The following JADE2 variants were observed in gnomAD, a reference collection of about 807,000 sequenced individuals.
JADE2 encodes the protein E3 ubiquitin-protein ligase Jade-2.
Under a neutral mutation model 85.7 loss-of-function variants are expected in JADE2, and 13 were observed. The observed-to-expected ratio is 0.15, with a 90% confidence interval of 0.10 to 0.24. JADE2 has a LOEUF of 0.24. JADE2 is among the 10% of genes least tolerant of loss of function. The pLI is 1.00. For missense variants in JADE2, 846 were observed against 1,115.9 expected, an observed-to-expected ratio of 0.76 and a Z score of 3.45; for synonymous variants, 440 against 456.1, an observed-to-expected ratio of 0.96 and a Z score of 0.45.
chr5:134,561,707 A>C (rs1297641466), intron 6 of JADE2, among the ~76,000 whole-genome samples: 1 of 152,148 alleles, frequency 6.6e-6, no homozygotes, highest in African/African-American at 2.4e-5. Context: ...GGGCAGTGCA[A>C]GTCTCATATA....
rs1761750998 is a variant in JADE2 at position 134,538,640 on chromosome 5, A to G, written c.153+557A>G. On this transcript the variant is annotated intron_variant, in intron 3 of 11. Transcript: ENST00000681547. ...CAGGTAGAGGTTTATGGCCTCTGGA[A>G]CTGAGAAGCGCACTGGGGGTGGGTA... Among the ~76,000 whole-genome samples, 3 of 152,184 alleles carry G rather than the reference A, an allele frequency of 2.0e-5. No homozygotes were observed. In the South Asian group the frequency reaches 6.2e-4, roughly 32 times the overall value.
rs1764627960 is a variant in JADE2 at position 134,580,100 on chromosome 5, A to G, written c.*783A>G. On this transcript the variant is annotated 3_prime_UTR_variant, in exon 12 of 12. Coordinates refer to ENST00000681547, the MANE Select transcript of JADE2 (RefSeq NM_001388185.1). The stretch of plus-strand genomic sequence containing the variant: ...AGGTGGAGGGCTGTAGGGGAGGGCC[A>G]GTGCCCAGACAGGGTCATGGGGCTC... The G allele has an allele frequency of 6.5e-6, 1 of 152,702 alleles. No homozygotes were observed. The highest frequency in any genetic ancestry group is 2.4e-5 in the African/African-American group (1 of 41,446). The allele number at this position is 152,702 out of a possible 1,614,324, so 9.5% of individuals were successfully genotyped here.
rs1760773251 is a variant in JADE2, at chr5:134,525,833, G to T, written c.-179G>T. The T allele has an allele frequency of 3.0e-6, 3 of 1,001,416 alleles. No individual in the cohort carries two copies. The East Asian group carries it at 3.3e-4, about 112-fold the overall frequency. 62.0% of individuals were successfully genotyped at this position (1,001,416 alleles called of 1,614,324 possible). A position where few individuals can be genotyped will look rare whatever the true frequency, so the allele number is the denominator to read the frequency against. ...CGACCGTCCCCGGCGGGGGGCGTGG[G>T]GCCTGGGACGCCGCGGGCCCGGCCG... On this transcript the variant is annotated 5_prime_UTR_variant, in exon 1 of 12. Transcript: ENST00000681547.
intron 3 of JADE2, among the ~76,000 whole-genome samples, chr5:134,542,886 C>T (rs1762055922): frequency 1.3e-5 from 2 of 152,062 alleles, no homozygotes; most frequent in African/African-American, 4.8e-5. Flanking sequence ...GCACTTGCCA[C>T]CATGCCGGGC....
At chr5:134,556,474 A>G (rs1225166241) in intron 4 of JADE2, among the ~76,000 whole-genome samples, 1 of 146,696 alleles carries the variant, frequency 6.8e-6, no homozygotes, top group East Asian at 2.0e-4. Context: ...ACATCACACA[A>G]AACACACCCC....
In JADE2 at chr5:134,581,308, A is replaced by AC. The variant is rs1474426980; in HGVS notation, c.*1995dup. The AC allele has an allele frequency of 1.3e-5, 2 of 152,578 alleles. No homozygotes were observed. The highest frequency in any genetic ancestry group is 2.9e-5 in the Non-Finnish European group (2 of 68,100). The allele number at this position is 152,578 out of a possible 1,614,324, so 9.5% of individuals were successfully genotyped here. On this transcript the variant is annotated 3_prime_UTR_variant, in exon 12 of 12. Coordinates refer to ENST00000681547, the MANE Select transcript of JADE2 (RefSeq NM_001388185.1). ...AGTCAGTGTCAGCATCAGTGTCCCAACCCCAGTCTCTGTTTACTGCCTTTG... is the reference window on the plus strand; with the variant it reads ...AGTCAGTGTCAGCATCAGTGTCCCAACCCCCAGTCTCTGTTTACTGCCTTTG...
intron 3 of JADE2, among the ~76,000 whole-genome samples, chr5:134,551,790 A>G (rs753979605): frequency 6.6e-6 from 1 of 152,064 alleles, no homozygotes; most frequent in East Asian, 1.9e-4. Context: ...ACTCCCAACT[A>G]TCCCTCAAAC....
chr5:134,532,818 GC>G (rs1450615681), intron 1 of JADE2, among the ~76,000 whole-genome samples: 4 of 152,192 alleles, frequency 2.6e-5, no homozygotes, highest in African/African-American at 9.7e-5. Flanking sequence ...GCGGTCCCAG[GC>G]CTCATTAGCC....
chr5:134,556,022 C>T (rs1167041238), intron 4 of JADE2, among the ~76,000 whole-genome samples: 8 of 152,226 alleles, frequency 5.3e-5, no homozygotes, highest in African/African-American at 1.9e-4. Flanking sequence ...CCGTCTCCTT[C>T]ATCCTTCCTG....
At chr5:134,565,642 C>T (rs559027934) in intron 8 of JADE2, among the ~76,000 whole-genome samples, 3 of 152,090 alleles carry the variant, frequency 2.0e-5, no homozygotes, top group Non-Finnish European at 2.9e-5. Flanking sequence ...GTCAGGAGTT[C>T]GAGACCAGCC....
chr5:134,533,010 A>G (rs895229235), intron 1 of JADE2, among the ~76,000 whole-genome samples: 7 of 152,104 alleles, frequency 4.6e-5, no homozygotes, highest in African/African-American at 1.4e-4. Context: ...ACCCAGAATA[A>G]TCCCTAGGCA....
At position 134,562,195 on chromosome 5, in the gene JADE2, C is replaced by G; in HGVS notation, c.685-5C>G. 6 of 1,607,464 alleles carry G rather than the reference C, an allele frequency of 3.7e-6. No homozygotes were observed. Among genetic ancestry groups the G allele is most frequent in the Non-Finnish European group, 5.1e-6 (6 of 1,176,734 alleles). On this transcript the variant is annotated splice_region_variant and splice_polypyrimidine_tract_variant and intron_variant, in intron 6 of 11. Transcript: ENST00000681547. The surrounding 1 kb of genome is among the most constrained non-coding windows in gnomAD (Gnocchi z 4.6). The stretch of plus-strand genomic sequence containing the variant: ...CTGACTCATGACCACCCTGCTCTCT[C>G]CTAGGCATGCTACGGGATCCTCAAG...
chr5:134,571,503 C>T (rs1053511431), intron 9 of JADE2, among the ~76,000 whole-genome samples: 9 of 152,142 alleles, frequency 5.9e-5, no homozygotes, highest in Non-Finnish European at 1.3e-4. Flanking sequence ...TCAAGACTAG[C>T]CTGGCCAACA....
intron 7 of JADE2, 90 bp from the exon 8 acceptor site, chr5:134,564,404 C>G (rs1763510447): frequency 2.6e-6 from 2 of 776,528 alleles, no homozygotes; most frequent in South Asian, 2.0e-5. Context: ...TGCCCACCAC[C>G]TAGTTTCAGC....
chr5:134,566,662 G>T lies in JADE2; in HGVS notation c.1434+82G>T, dbSNP rs1432064193. 1.9e-6 allele frequency: 2 copies of T among 1,068,376 alleles called. No homozygotes were observed. Among genetic ancestry groups the T allele is most frequent in the Non-Finnish European group, 2.7e-6 (2 of 753,424 alleles). 66.2% of individuals were successfully genotyped at this position (1,068,376 alleles called of 1,614,324 possible). On this transcript the variant is annotated intron_variant, in intron 9 of 11. Coordinates refer to ENST00000681547, the MANE Select transcript of JADE2 (RefSeq NM_001388185.1). This position sits in a 1 kb window ranked among gnomAD's most constrained non-coding sequence, Gnocchi z 6.7. ...ATGCCACACTCACTGCCCTGGAGCA[G>T]CTAGGACTCACCAGGACTCAAACTG... is the stretch of plus-strand genomic sequence containing the variant.
chr5:134,543,633 C>T (rs1323426528), intron 3 of JADE2, among the ~76,000 whole-genome samples: 4 of 152,136 alleles, frequency 2.6e-5, no homozygotes, highest in African/African-American at 4.8e-5. Context: ...GCCGAGATTG[C>T]ACCACTGCAC....
Position 134,573,774 on chromosome 5 carries a change from C to A in JADE2, c.1552+12C>A. 6.8e-7 allele frequency: 1 copy of A among 1,477,272 alleles called. No homozygotes were observed. The highest frequency in any genetic ancestry group is 9.5e-7 in the Non-Finnish European group (1 of 1,054,744). 91.5% of individuals were successfully genotyped at this position (1,477,272 alleles called of 1,614,324 possible). On this transcript the variant is annotated intron_variant, in intron 10 of 11. Coordinates refer to ENST00000681547, the MANE Select transcript of JADE2 (RefSeq NM_001388185.1). ...GGATCTGTGTCGAGGTAGGCGCCTT[C>A]CCCACCTGCCGCCGCCACCTCCCTG...
At chr5:134,529,469 A>G (rs1267700255) in intron 1 of JADE2, among the ~76,000 whole-genome samples, 1 of 152,194 alleles carries the variant, frequency 6.6e-6, no homozygotes, top group African/African-American at 2.4e-5. Flanking sequence ...GCAGTTACCA[A>G]CTGTCATAAT....
chr5:134,553,232 A>G (rs545114719), intron 4 of JADE2, among the ~76,000 whole-genome samples: 5 of 152,038 alleles, frequency 3.3e-5, no homozygotes, highest in East Asian at 3.9e-4. Context: ...CAGCCTCCCA[A>G]AATGCTGGGA....
Sources: allele counts gnomAD v4.1 joint callset (sites outside exome capture counted in the v4.1 genomes callset), GRCh38; gene constraint gnomAD v4.1.1; non-coding constraint Gnocchi (gnomAD v3.1); transcripts MANE v1.5; gene names NCBI Gene and HGNC (gene_info 2026-07-23, HGNC 2026-07-21).